The following CEP43 variants were observed in gnomAD, a reference collection of about 807,000 sequenced individuals.
The protein encoded by CEP43 is centrosomal protein 43.
CEP43 carries 36 observed loss-of-function variants against 52.6 expected under a neutral mutation model. The observed-to-expected ratio is 0.68, with a 90% CI of 0.52 to 0.90. CEP43 has a LOEUF of 0.90. Among genes scored for constraint, CEP43 ranks in the 40% least tolerant of loss-of-function variants. CEP43 has a pLI of 0.00. For missense variants in CEP43, 506 were observed against 472.8 expected, an observed-to-expected ratio of 1.07 and a Z score of -0.65; for synonymous variants, 192 against 172.4, an observed-to-expected ratio of 1.11 and a Z score of -0.89.
chr6:167,023,511 T>C (rs1780286142), intron 8 of CEP43, among the ~76,000 whole-genome samples: 1 of 152,238 alleles, frequency 6.6e-6, no homozygotes, highest in Admixed American at 6.5e-5. Context: ...CCCCTGTTGC[T>C]GTGCTAAGTT....
In CEP43 at chr6:167,004,335, TG is replaced by T. The variant is rs1274366190; in HGVS notation, c.374del (p.Gly125AspfsTer5). The T allele has an allele frequency of 6.2e-7, 1 of 1,612,666 alleles. No individual in the cohort carries two copies. Among genetic ancestry groups the T allele is most frequent in the Non-Finnish European group, 8.5e-7 (1 of 1,179,220 alleles). Reference sequence around the variant, plus strand: ...TAATTGAAGCAGAAGGTACTGTGGGTGGACCCTTATTATTAGAAGTGATCAG... The same window carrying T: ...TAATTGAAGCAGAAGGTACTGTGGGTGACCCTTATTATTAGAAGTGATCAG... ...GIIEAEGTVG[G>X]PLLLEVIRRC... On this transcript the variant is annotated frameshift_variant, in exon 5 of 13. Coordinates refer to ENST00000366847, the MANE Select transcript of CEP43 (RefSeq NM_007045.4). LOFTEE classifies it high-confidence loss of function.
At chr6:166,999,639 G>T (rs936985553) in intron 1 of CEP43, 125 bp downstream of exon 1, 34 of 617,554 alleles carry the variant, frequency 5.5e-5, no homozygotes, top group Non-Finnish European at 7.6e-5. Flanking sequence ...GGGCACTGGG[G>T]GCGCGCCCCG....
chr6:167,010,838 A>G lies in CEP43; in HGVS notation c.464A>G (p.His155Arg), dbSNP rs1162778310. 1 of 1,592,494 alleles carries G rather than the reference A, an allele frequency of 6.3e-7. No individual in the cohort carries two copies. Among genetic ancestry groups the G allele is most frequent in the Non-Finnish European group, 8.5e-7 (1 of 1,169,686 alleles). ...GEGALDLSDV[H>R]SPPKSPEGKT... ...GGTGCACTTGATCTATCTGATGTAC[A>G]TTCTCCACCAAAGTCACCAGAGGGA... The change falls in exon 6 of 13, where the codon CAT becomes CGT. Residue 155 changes from histidine to arginine, a missense_variant. By Grantham distance (29) the His-to-Arg change is conservative. Coordinates refer to ENST00000366847, the MANE Select transcript of CEP43 (RefSeq NM_007045.4).
chr6:167,008,511 C>T (rs892106922), intron 5 of CEP43, among the ~76,000 whole-genome samples: 2 of 152,038 alleles, frequency 1.3e-5, no homozygotes, highest in Non-Finnish European at 2.9e-5. Context: ...GTTGCCCAGG[C>T]TGGAGTGCAG....
At chr6:167,037,052 C>CGG (rs1223055891) in intron 12 of CEP43, among the ~76,000 whole-genome samples, 1 of 152,158 alleles carries the variant, frequency 6.6e-6, no homozygotes, top group Non-Finnish European at 1.5e-5. Context: ...GTGATCCCCC[C>CGG]GCCTTGGCCT....
chr6:167,039,765 A>C, intron 12 of CEP43, 139 bp from the exon 13 acceptor site: 1 of 833,906 alleles, frequency 1.2e-6, no homozygotes, highest in Non-Finnish European at 1.9e-6. Context: ...ACTGACATTT[A>C]TATTATTTTT....
intron 10 of CEP43, among the ~76,000 whole-genome samples, chr6:167,032,171 T>A (rs1227813892): frequency 1.3e-5 from 2 of 152,248 alleles, no homozygotes; most frequent in African/African-American, 2.4e-5. Context: ...GTGCCCTTAT[T>A]TGCTGTGCTT....
intron 10 of CEP43, among the ~76,000 whole-genome samples, chr6:167,032,374 T>A (rs1780488344): frequency 1.3e-5 from 2 of 152,198 alleles, no homozygotes; most frequent in Non-Finnish European, 2.9e-5. Flanking sequence ...GTACCCGGAG[T>A]AAAGATGAGG....
At chr6:167,022,296 A>ACAC in intron 7 of CEP43, 113 bp from the exon 8 acceptor site, 13 of 679,830 alleles carry the variant, frequency 1.9e-5, no homozygotes, top group Non-Finnish European at 2.2e-5. Flanking sequence ...ACACACACAC[A>ACAC]AAGGTTGCAC....
chr6:167,013,635 G>A, intron 7 of CEP43, 68 bp downstream of exon 7: 1 of 1,266,712 alleles, frequency 7.9e-7, no homozygotes, highest in Non-Finnish European at 1.1e-6. Context: ...GGGGCCTCCT[G>A]GAGCGCTGGG....
chr6:167,003,287 T>C lies in CEP43; in HGVS notation c.211+40T>C, dbSNP rs201153911. On this transcript the variant is annotated intron_variant, in intron 3 of 12. Transcript: ENST00000366847. ...TTGTTCTTGTTTATCTATCTCTGAATTTTTGAATCTTGATACCATTTGGGA... is the reference window on the plus strand; with the variant it reads ...TTGTTCTTGTTTATCTATCTCTGAACTTTTGAATCTTGATACCATTTGGGA... 48 of 1,166,524 alleles carry C rather than the reference T, an allele frequency of 4.1e-5. No individual in the cohort carries two copies. In the East Asian group the frequency reaches 1.1e-3, roughly 27 times the overall value. 72.3% of individuals were successfully genotyped at this position (1,166,524 alleles called of 1,614,324 possible).
chr6:167,017,859 G>A (rs1023169968), intron 7 of CEP43, among the ~76,000 whole-genome samples: 5 of 152,088 alleles, frequency 3.3e-5, no homozygotes, highest in African/African-American at 1.2e-4. Context: ...TGTGCAATAG[G>A]TCCCTCACTT....
intron 9 of CEP43, among the ~76,000 whole-genome samples, chr6:167,026,165 C>A (rs1271952256): frequency 2.0e-5 from 3 of 152,164 alleles, no homozygotes; most frequent in Non-Finnish European, 4.4e-5. Context: ...GAGTTCGAGA[C>A]CAGCCTATCC....
At chr6:167,001,644 C>G (rs1779738952) in intron 2 of CEP43, among the ~76,000 whole-genome samples, 1 of 152,202 alleles carries the variant, frequency 6.6e-6, no homozygotes, top group East Asian at 1.9e-4. Context: ...ATGGGACCAT[C>G]ATTTATCTGG....
intron 10 of CEP43, among the ~76,000 whole-genome samples, chr6:167,031,214 C>T (rs1273227522): frequency 6.6e-6 from 1 of 152,162 alleles, no homozygotes; most frequent in Non-Finnish European, 1.5e-5. Context: ...CGTCACTGCT[C>T]TGGGCTGCAC....
chr6:167,039,250 C>T (rs1780643788), intron 12 of CEP43, among the ~76,000 whole-genome samples: 1 of 152,170 alleles, frequency 6.6e-6, no homozygotes, highest in Non-Finnish European at 1.5e-5. Flanking sequence ...CCGCCTCAGC[C>T]TCCCAAGTAG....
intron 5 of CEP43, among the ~76,000 whole-genome samples, chr6:167,006,782 CTT>C (rs1779864728): frequency 6.6e-6 from 1 of 152,306 alleles, no homozygotes; most frequent in Non-Finnish European, 1.5e-5. Context: ...ATGGATGACT[CTT>C]TAAGTTCAGT....
chr6:167,030,765 A>G (rs1248476954), intron 10 of CEP43, among the ~76,000 whole-genome samples: 1 of 152,026 alleles, frequency 6.6e-6, no homozygotes, highest in African/African-American at 2.4e-5. Context: ...TCCTGTACAC[A>G]TATTTCTTCT....
In CEP43 at chr6:167,043,556, A is replaced by T. The variant is rs1217185684; in HGVS notation, c.*3578A>T. ...CCACCATGCCCAGCTAATTTTTATAATTTTTTTGTAGAGACGGGATTTCAC... is the reference window on the plus strand; with the variant it reads ...CCACCATGCCCAGCTAATTTTTATATTTTTTTTGTAGAGACGGGATTTCAC... On this transcript the variant is annotated 3_prime_UTR_variant, in exon 13 of 13. Coordinates refer to ENST00000366847, the MANE Select transcript of CEP43 (RefSeq NM_007045.4). The T allele has an allele frequency of 6.6e-6, 1 of 150,972 alleles. No homozygotes were observed. Among genetic ancestry groups the T allele is most frequent in the Non-Finnish European group, 1.5e-5 (1 of 67,746 alleles). 9.4% of individuals were successfully genotyped at this position (150,972 alleles called of 1,614,324 possible). A position where few individuals can be genotyped will look rare whatever the true frequency, so the allele number is the denominator to read the frequency against.
Sources: allele counts gnomAD v4.1 joint callset (sites outside exome capture counted in the v4.1 genomes callset), GRCh38; gene constraint gnomAD v4.1.1; transcripts MANE v1.5; gene names NCBI Gene and HGNC (gene_info 2026-07-23, HGNC 2026-07-21).